The following HS6ST3 variants were observed in gnomAD, a reference collection of about 807,000 sequenced individuals.
HS6ST3 encodes heparan sulfate 6-O-sulfotransferase 3.
In HS6ST3, 12 loss-of-function variants were observed where a neutral mutation model predicts 36.7. The ratio of observed to expected loss-of-function variants is 0.33; its 90% CI spans 0.21 to 0.53. The LOEUF is 0.53. HS6ST3 is among the 20% of genes least tolerant of loss of function. HS6ST3 has a pLI of 0.95. For missense variants in HS6ST3, 584 were observed against 640.9 expected (o/e 0.91, Z 0.96); for synonymous variants, 240 against 257.5 (o/e 0.93, Z 0.65).
chr13:96,505,046 G>A (rs2056020824), intron 1 of HS6ST3, among the ~76,000 whole-genome samples: 1 of 152,152 alleles, frequency 6.6e-6, no homozygotes, highest in African/African-American at 2.4e-5. Flanking sequence ...CATCCTTTCT[G>A]TGAGTGTGTA....
At chr13:96,694,822 C>T (rs1210374108) in intron 1 of HS6ST3, among the ~76,000 whole-genome samples, 1 of 151,902 alleles carries the variant, frequency 6.6e-6, no homozygotes, top group African/African-American at 2.4e-5. Flanking sequence ...TGCTTTTTGG[C>T]CGTGTATATG....
At chr13:96,710,969 A>G (rs1237136711) in intron 1 of HS6ST3, among the ~76,000 whole-genome samples, 1 of 152,240 alleles carries the variant, frequency 6.6e-6, no homozygotes, top group Non-Finnish European at 1.5e-5. Flanking sequence ...AGAATAGCAC[A>G]TTTCTCTCAG....
At chr13:96,619,321 T>C (rs533299606) in intron 1 of HS6ST3, among the ~76,000 whole-genome samples, 1 of 152,360 alleles carries the variant, frequency 6.6e-6, no homozygotes, top group South Asian at 2.1e-4. Context: ...TTTAGTATCA[T>C]CAATTATCCC....
chr13:96,765,138 A>G (rs1594854820), intron 1 of HS6ST3, among the ~76,000 whole-genome samples: 1 of 144,076 alleles, frequency 6.9e-6, no homozygotes, highest in Non-Finnish European at 1.5e-5. Context: ...CAGTGGCGCA[A>G]TCTCGGCTCA....
At chr13:96,375,005 T>C (rs1301035739) in intron 1 of HS6ST3, among the ~76,000 whole-genome samples, 1 of 152,092 alleles carries the variant, frequency 6.6e-6, no homozygotes, top group Non-Finnish European at 1.5e-5. Context: ...CACACCTGTT[T>C]AACCATATCG....
chr13:96,281,995 T>A (rs966623069), intron 1 of HS6ST3, among the ~76,000 whole-genome samples: 1 of 152,244 alleles, frequency 6.6e-6, no homozygotes, highest in African/African-American at 2.4e-5. Context: ...AGTTCTGTAC[T>A]TATGTGAATT....
At chr13:96,160,609 C>T (rs2054131131) in intron 1 of HS6ST3, among the ~76,000 whole-genome samples, 1 of 152,204 alleles carries the variant, frequency 6.6e-6, no homozygotes, top group South Asian at 2.1e-4. Context: ...ACCCCGAGTT[C>T]ATTTAACTTC....
intron 1 of HS6ST3, among the ~76,000 whole-genome samples, chr13:96,580,089 T>C (rs2056336124): frequency 6.6e-6 from 1 of 151,744 alleles, no homozygotes; most frequent in South Asian, 2.1e-4. Context: ...ATAAATATTT[T>C]TCTCCAAAAT....
intron 1 of HS6ST3, among the ~76,000 whole-genome samples, chr13:96,527,657 G>A (rs115972709): frequency 1.1e-4 from 17 of 152,264 alleles, no homozygotes; most frequent in African/African-American, 4.1e-4. Flanking sequence ...ATGAGCAGTG[G>A]CAAGCTAAGT....
intron 1 of HS6ST3, among the ~76,000 whole-genome samples, chr13:96,460,441 G>T (rs1354366724): frequency 1.3e-5 from 2 of 152,062 alleles, no homozygotes; most frequent in African/African-American, 4.8e-5. Context: ...CTCAGAGTTC[G>T]TATATTTTCT....
At chr13:96,440,078 T>TTA (rs1463102879) in intron 1 of HS6ST3, among the ~76,000 whole-genome samples, 2 of 151,188 alleles carry the variant, frequency 1.3e-5, no homozygotes, top group Non-Finnish European at 2.9e-5. Context: ...TCTTGCCTAT[T>TTA]TATATGTGTG....
At chr13:96,367,781 A>G (rs973476260) in intron 1 of HS6ST3, among the ~76,000 whole-genome samples, 13 of 152,128 alleles carry the variant, frequency 8.5e-5, no homozygotes, top group African/African-American at 2.9e-4. Context: ...ATCATATCCA[A>G]CCTAATCGGA....
chr13:96,777,206 C>A (rs75767376), intron 1 of HS6ST3, among the ~76,000 whole-genome samples: 1 of 152,178 alleles, frequency 6.6e-6, no homozygotes, highest in African/African-American at 2.4e-5. Flanking sequence ...ACAATAAGGG[C>A]TATTCATGAC....
At chr13:96,302,729 G>T (rs1055497596) in intron 1 of HS6ST3, among the ~76,000 whole-genome samples, 3 of 151,972 alleles carry the variant, frequency 2.0e-5, no homozygotes, top group African/African-American at 7.2e-5. Context: ...TTTCTCAAAG[G>T]ATAATAATAT....
At chr13:96,376,729 C>A (rs567878304) in intron 1 of HS6ST3, among the ~76,000 whole-genome samples, 1 of 152,212 alleles carries the variant, frequency 6.6e-6, no homozygotes, top group African/African-American at 2.4e-5. Flanking sequence ...GTGAGGGTGT[C>A]ATGAGAAACC....
intron 1 of HS6ST3, among the ~76,000 whole-genome samples, chr13:96,352,340 T>C (rs2055187877): frequency 6.6e-6 from 1 of 152,344 alleles, no homozygotes; most frequent in East Asian, 1.9e-4. Flanking sequence ...TCATTTGAAG[T>C]CTTGATGTGA....
intron 1 of HS6ST3, among the ~76,000 whole-genome samples, chr13:96,487,241 A>G (rs377039649): frequency 6.6e-6 from 1 of 152,128 alleles, no homozygotes; most frequent in African/African-American, 2.4e-5. Flanking sequence ...TGTGAAAAAA[A>G]ATAAGAAAAC....
chr13:96,276,839 C>T (rs111370330), intron 1 of HS6ST3, among the ~76,000 whole-genome samples: 3 of 152,268 alleles, frequency 2.0e-5, no homozygotes, highest in African/African-American at 4.8e-5. Flanking sequence ...CCATAAGGCT[C>T]AGGAACCTGC....
At chr13:96,312,551 A>G (rs2054946726) in intron 1 of HS6ST3, among the ~76,000 whole-genome samples, 4 of 152,060 alleles carry the variant, frequency 2.6e-5, no homozygotes, top group Admixed American at 2.6e-4. Context: ...GAGCTCTGTT[A>G]AAAATCTCCT....
Sources: allele counts gnomAD v4.1 joint callset (sites outside exome capture counted in the v4.1 genomes callset), GRCh38; gene constraint gnomAD v4.1.1; transcripts MANE v1.5; gene names NCBI Gene and HGNC (gene_info 2026-07-23, HGNC 2026-07-21).